TRIM39: variants seen among roughly 807,000 people sequenced by gnomAD.
TRIM39 encodes the protein E3 ubiquitin-protein ligase TRIM39.
TRIM39 carries 5 observed loss-of-function variants against 53.6 expected under a neutral mutation model. The ratio of observed to expected loss-of-function variants is 0.09; its 90% CI spans 0.05 to 0.20. The LOEUF (loss-of-function observed/expected upper bound fraction) is 0.20, where lower values mean the gene tolerates loss of function less well. TRIM39 is among the 10% of genes least tolerant of loss of function. TRIM39 has a pLI of 1.00. For missense variants in TRIM39, 310 were observed against 621.0 expected (o/e 0.50, Z 5.32); for synonymous variants, 196 against 237.6 (o/e 0.82, Z 1.61).
chr6:30,341,425 G>T, intron 7 of TRIM39: 1 of 682,356 alleles, frequency 1.5e-6, no homozygotes, highest in Non-Finnish European at 2.7e-6. Flanking sequence ...TGAGATAAAT[G>T]ATAATGTCAG....
chr6:30,336,567 A>G (rs1786886979), intron 5 of TRIM39, among the ~76,000 whole-genome samples: 1 of 152,100 alleles, frequency 6.6e-6, no homozygotes, highest in African/African-American at 2.4e-5. Context: ...AAAATAAGAC[A>G]ACGACGAAGT....
chr6:30,342,219 C>G lies in TRIM39; in HGVS notation c.1427C>G (p.Ala476Gly), dbSNP rs1389103738. 1 of 1,612,926 alleles carries G rather than the reference C, an allele frequency of 6.2e-7. No homozygotes were observed. ...GGCATCCGGGCTGGACGGAAGAATG[C>G]TGCACCACTTACCATCAGGCCCCCA... Residue 476 changes from alanine to glycine, a missense_variant, in exon 8 of 8, where the codon GCT becomes GGT. Physicochemically the swap from Ala to Gly is moderately conservative, Grantham distance 60. Transcript: ENST00000396551. This position sits in a 1 kb window ranked among gnomAD's most constrained non-coding sequence, Gnocchi z 4.7.
In TRIM39 at chr6:30,342,435, T is replaced by G. The variant is rs1406539949; in HGVS notation, c.*176T>G. On this transcript the variant is annotated 3_prime_UTR_variant, in exon 8 of 8. Transcript: ENST00000396551. This position sits in a 1 kb window ranked among gnomAD's most constrained non-coding sequence, Gnocchi z 4.7. ...GAGGGGGAGGTAGGACTGGGCTGGATGAGAGAGCACAGCTGTGACTTCCTC... is the reference window on the plus strand; with the variant it reads ...GAGGGGGAGGTAGGACTGGGCTGGAGGAGAGAGCACAGCTGTGACTTCCTC... 3.0e-6 allele frequency: 2 copies of G among 661,854 alleles called. No homozygotes were observed. Among genetic ancestry groups the G allele is most frequent in the Non-Finnish European group, 5.1e-6 (2 of 389,786 alleles). The allele number at this position is 661,854 out of a possible 1,614,324, so 41.0% of individuals were successfully genotyped here.
At chr6:30,331,010 C>A in intron 4 of TRIM39, 134 bp downstream of exon 4, 2 of 1,080,628 alleles carry the variant, frequency 1.9e-6, no homozygotes, top group Non-Finnish European at 2.6e-6. Context: ...TGGCTCACAC[C>A]TGTAATCCCA....
chr6:30,336,281 G>T, intron 5 of TRIM39: 1 of 634,648 alleles, frequency 1.6e-6, no homozygotes, highest in Admixed American at 2.2e-5. Flanking sequence ...TAAAAATTTT[G>T]TAAATGCAGT....
intron 5 of TRIM39, among the ~76,000 whole-genome samples, chr6:30,336,691 G>T (rs1786901827): frequency 6.6e-6 from 1 of 152,206 alleles, no homozygotes; most frequent in Non-Finnish European, 1.5e-5. Flanking sequence ...CACATTTGCA[G>T]TTACTTACAA....
Position 30,336,229 on chromosome 6 carries a change from A to G in TRIM39, c.780+254A>G, listed in dbSNP as rs560525693. The G allele has an allele frequency of 5.2e-5, 37 of 716,354 alleles. 1 individual carries two copies. In the South Asian group the frequency reaches 5.2e-4, roughly 10 times the overall value. 44.4% of individuals were successfully genotyped at this position (716,354 alleles called of 1,614,324 possible). On this transcript the variant is annotated intron_variant, in intron 5 of 7. Transcript: ENST00000396551. ...TCCAAAGAAAAGATTCATTCTTTTG[A>G]AAGGAGGGAAGTCTAGCCTGAGTTA... is the stretch of plus-strand genomic sequence containing the variant.
rs192383053 is a variant in TRIM39, at chr6:30,326,764, C to G, written c.-392C>G. 2.5e-4 allele frequency: 38 copies of G among 153,830 alleles called. No homozygotes were observed. The East Asian group carries it at 5.5e-3, about 22-fold the overall frequency. 9.5% of individuals were successfully genotyped at this position (153,830 alleles called of 1,614,324 possible). On this transcript the variant is annotated 5_prime_UTR_variant, in exon 1 of 8. Transcript: ENST00000396551. ...GGGTCCCTTCTTGCCCTTGATTCCC[C>G]CTGCTGCTTCTCATCGCCAGCCCTC...
chr6:30,331,883 T>C (rs1052030422), intron 4 of TRIM39, among the ~76,000 whole-genome samples: 1 of 152,216 alleles, frequency 6.6e-6, no homozygotes, highest in African/African-American at 2.4e-5. Flanking sequence ...TTATCATTTG[T>C]AGCAAAAATA....
In TRIM39 at chr6:30,339,845, C is replaced by T. The variant is rs535400224; in HGVS notation, c.781-63C>T. 1.2e-5 allele frequency: 19 copies of T among 1,610,766 alleles called. No homozygotes were observed. Among genetic ancestry groups the T allele is most frequent in the African/African-American group, 4.0e-5 (3 of 74,980 alleles). On this transcript the variant is annotated intron_variant, in intron 5 of 7. Transcript: ENST00000396551. This position sits in a 1 kb window ranked among gnomAD's most constrained non-coding sequence, Gnocchi z 4.2. ...TGGAACTTTGGGGAGGAGGGGGAAC[C>T]TTTTGCCTTCAGGACCACTGAATAC...
In TRIM39 at chr6:30,339,870, C is replaced by G; in HGVS notation, c.781-38C>G. On this transcript the variant is annotated intron_variant, in intron 5 of 7. Transcript: ENST00000396551. This position sits in a 1 kb window ranked among gnomAD's most constrained non-coding sequence, Gnocchi z 4.2. ...CTTTTGCCTTCAGGACCACTGAATA[C>G]CAGGACCAATATTGCTTTCTTTTCT... 1 of 1,613,888 alleles carries G rather than the reference C, an allele frequency of 6.2e-7. No individual in the cohort carries two copies. The highest frequency in any genetic ancestry group is 1.1e-5 in the South Asian group (1 of 91,010).
exon 4 of TRIM39, chr6:30,330,806 C>T: frequency 6.2e-7 from 1 of 1,614,136 alleles, no homozygotes; most frequent in Non-Finnish European, 8.5e-7. Context: ...TGTCTGGAGC[C>T]CCTGGAACAG....
At chr6:30,329,267 C>T in intron 2 of TRIM39, 44 bp from the exon 3 acceptor site, 6 of 1,536,388 alleles carry the variant, frequency 3.9e-6, no homozygotes, top group Non-Finnish European at 5.2e-6. Flanking sequence ...AAAAAACCTC[C>T]AATTAATATT....
In TRIM39 at chr6:30,335,523, A is replaced by T. The variant is rs368911422; in HGVS notation, c.550-222A>T. 2.4e-4 allele frequency among the ~76,000 whole-genome samples: 36 copies of T among 152,052 alleles called. 4 individuals are homozygous for T. Among genetic ancestry groups the T allele is most frequent in the East Asian group, 1.9e-3 (10 of 5,178 alleles). ...TTTTTTGTAGAGTTGGGGTTTCACC[A>T]TGTTACCTAGGCTGGTCTCAAACTT... On this transcript the variant is annotated intron_variant, in intron 4 of 7. Transcript: ENST00000396551. The surrounding 1 kb of genome is among the most constrained non-coding windows in gnomAD (Gnocchi z 4.7).
exon 8 of TRIM39, chr6:30,341,712 C>T (rs1448463118): frequency 5.0e-6 from 8 of 1,608,872 alleles, no homozygotes; most frequent in South Asian, 1.1e-5. Flanking sequence ...CTCCCGCCAG[C>T]GGATGTGACC....
chr6:30,336,070 T>C (rs1350503546), intron 5 of TRIM39, 95 bp downstream of exon 5: 1 of 1,526,152 alleles, frequency 6.6e-7, no homozygotes, highest in East Asian at 2.4e-5. Flanking sequence ...ATTCTTCTGC[T>C]CTCCTTCTCT....
At chr6:30,341,392 A>C (rs1204452981) in intron 7 of TRIM39, 1 of 634,610 alleles carries the variant, frequency 1.6e-6, no homozygotes. Context: ...CCCTCAGACT[A>C]CACCTTGTAC....
intron 4 of TRIM39, among the ~76,000 whole-genome samples, chr6:30,332,550 C>T (rs1272106378): frequency 9.9e-5 from 15 of 152,116 alleles, no homozygotes; most frequent in Admixed American, 9.8e-4. Context: ...GCAAAGTAAG[C>T]ATTTGAAATT....
exon 8 of TRIM39, chr6:30,343,064 C>G (rs1187497990): frequency 1.3e-5 from 2 of 152,646 alleles, no homozygotes; most frequent in Non-Finnish European, 2.9e-5. Flanking sequence ...GGAAGAGATC[C>G]TGCAAGACAC....
Sources: allele counts gnomAD v4.1 joint callset (sites outside exome capture counted in the v4.1 genomes callset), GRCh38; gene constraint gnomAD v4.1.1; non-coding constraint Gnocchi (gnomAD v3.1); transcripts MANE v1.5; gene names NCBI Gene and HGNC (gene_info 2026-07-23, HGNC 2026-07-21).